SASH1: variants seen among roughly 807,000 people sequenced by gnomAD.
The protein encoded by SASH1 is SAM and SH3 domain containing 1, also known as SAM and SH3 domain-containing protein 1.
Under a neutral mutation model 125.2 loss-of-function variants are expected in SASH1, and 44 were observed. The observed-to-expected ratio is 0.35, with a 90% CI of 0.28 to 0.45. The LOEUF (loss-of-function observed/expected upper bound fraction) is 0.45, where lower values mean the gene tolerates loss of function less well. SASH1 is among the 20% of genes least tolerant of loss of function. The pLI is 1.00. For missense variants in SASH1, 1,426 were observed against 1,614.5 expected (o/e 0.88, Z 2.00); for synonymous variants, 639 against 649.1 (o/e 0.98, Z 0.24).
intron 19 of SASH1, among the ~76,000 whole-genome samples, chr6:148,547,726 C>T (rs1782650740): frequency 6.6e-6 from 1 of 152,158 alleles, no homozygotes; most frequent in African/African-American, 2.4e-5. Context: ...AGCAAATCAC[C>T]TTTCTGAAAG....
intron 4 of SASH1, among the ~76,000 whole-genome samples, chr6:148,451,727 G>T (rs971696960): frequency 1.3e-5 from 2 of 152,216 alleles, no homozygotes; most frequent in Non-Finnish European, 2.9e-5. Flanking sequence ...TTGTGATTTA[G>T]AAAATCATGC....
At chr6:148,401,785 T>TG (rs397704156) in intron 2 of SASH1, among the ~76,000 whole-genome samples, 26,316 of 151,784 alleles carry the variant, frequency 0.17, 2,500 homozygotes, top group Admixed American at 0.25. Context: ...GATGTGTGTG[T>TG]GGGGGGGTGT....
intron 1 of SASH1, among the ~76,000 whole-genome samples, chr6:148,326,232 C>T (rs953475529): frequency 6.4e-5 from 9 of 141,474 alleles, no homozygotes; most frequent in Non-Finnish European, 1.1e-4. Context: ...TTCACCATGC[C>T]GACAAGGCTG....
intron 16 of SASH1, 104 bp downstream of exon 16, chr6:148,535,005 CCTGTT>C (rs941945990): frequency 8.2e-7 from 1 of 1,221,722 alleles, no homozygotes; most frequent in African/African-American, 1.5e-5. Flanking sequence ...CTTATTCTGT[CCTGTT>C]CTTTCTGTTA....
rs139369529 is a variant in SASH1, at chr6:148,544,216, G to C, written c.2746G>C (p.Ala916Pro). 4 of 1,614,144 alleles carry C rather than the reference G, an allele frequency of 2.5e-6. No individual in the cohort carries two copies. Among genetic ancestry groups the C allele is most frequent in the Non-Finnish European group, 3.4e-6 (4 of 1,180,036 alleles). Residue 916 changes from alanine (A) to proline (P), a missense_variant, in exon 18 of 20, where the codon GCA becomes CCA. Transcript: ENST00000367467. The surrounding 1 kb of genome is among the most constrained non-coding windows in gnomAD (Gnocchi z 6.4). ...LTTKKLEGSI[A>P]ASGRGLSPPQ... The stretch of plus-strand genomic sequence containing the variant: ...AACTAAGAAACTGGAGGGCTCAATC[G>C]CAGCCTCTGGTCGCGGCCTGTCACC...
chr6:148,282,715 G>A (rs1338933060), intron 1 of SASH1, among the ~76,000 whole-genome samples: 1 of 151,782 alleles, frequency 6.6e-6, no homozygotes, highest in Non-Finnish European at 1.5e-5. Flanking sequence ...TCTGTCTTGG[G>A]GAATCAAACT....
intron 1 of SASH1, among the ~76,000 whole-genome samples, chr6:148,297,435 T>TAA (rs766023167): frequency 4.0e-4 from 60 of 151,438 alleles, no homozygotes; most frequent in African/African-American, 1.3e-3. Context: ...ACTAGGATTG[T>TAA]AAAAAAAAAT....
At chr6:148,368,770 GCA>G (rs377455429) in intron 1 of SASH1, among the ~76,000 whole-genome samples, 11 of 135,644 alleles carry the variant, frequency 8.1e-5, no homozygotes, top group South Asian at 5.2e-4. Context: ...GCACGCGCGC[GCA>G]CACACACACA....
In SASH1 at chr6:148,551,170, A is replaced by T. The variant is rs569284908; in HGVS notation, c.*2612A>T. 1.3e-4 allele frequency: 20 copies of T among 152,048 alleles called. No individual in the cohort carries two copies. Among genetic ancestry groups the T allele is most frequent in the Non-Finnish European group, 2.6e-4 (18 of 67,958 alleles). The allele number at this position is 152,048 out of a possible 1,614,324, so 9.4% of individuals were successfully genotyped here. A position where few individuals can be genotyped will look rare whatever the true frequency, so the allele number is the denominator to read the frequency against. On this transcript the variant is annotated 3_prime_UTR_variant, in exon 20 of 20. Transcript: ENST00000367467. ...TTTGGTCTTTTTTTTTTCTGTAAAC[A>T]TTTAATTTGGTCTGAGAAAAGCTGA...
At chr6:148,252,718 A>G in the SASH1 span, among the ~76,000 whole-genome samples, 1 of 152,090 alleles carries the variant, frequency 6.6e-6, no homozygotes, top group Non-Finnish European at 1.5e-5. Flanking sequence ...ACCTCACGTG[A>G]TCCATCCGCC....
chr6:148,512,414 T>G, intron 8 of SASH1: 1 of 952,816 alleles, frequency 1.0e-6, no homozygotes, highest in Non-Finnish European at 1.2e-6. Flanking sequence ...TTGAGCTACA[T>G]CAAGAGAGCA....
chr6:148,546,903 A>G (rs1782605188), intron 19 of SASH1, among the ~76,000 whole-genome samples: 1 of 152,116 alleles, frequency 6.6e-6, no homozygotes, highest in African/African-American at 2.4e-5. Context: ...AAAAATTGAT[A>G]TCATCAATAC....
chr6:148,246,064 AC>A, the SASH1 span, among the ~76,000 whole-genome samples: 43 of 152,100 alleles, frequency 2.8e-4, no homozygotes, highest in African/African-American at 9.9e-4. Context: ...ACACAAACAC[AC>A]ATGTGTACAC....
At chr6:148,333,425 A>G (rs1562329888) in intron 1 of SASH1, among the ~76,000 whole-genome samples, 2 of 152,068 alleles carry the variant, frequency 1.3e-5, no homozygotes, top group African/African-American at 2.4e-5. Context: ...AATTGGTGGT[A>G]CCACTCCCAG....
At chr6:148,217,382 G>T in the SASH1 span, among the ~76,000 whole-genome samples, 1 of 152,208 alleles carries the variant, frequency 6.6e-6, no homozygotes, top group Non-Finnish European at 1.5e-5. Flanking sequence ...CTGCGTACTT[G>T]CTGAGTGACA....
chr6:148,335,866 C>G (rs996059031), intron 1 of SASH1, among the ~76,000 whole-genome samples: 1 of 152,112 alleles, frequency 6.6e-6, no homozygotes, highest in African/African-American at 2.4e-5. Context: ...GTTGACTCCT[C>G]TTCATGATCA....
At chr6:148,254,340 T>TA in the SASH1 span, among the ~76,000 whole-genome samples, 1 of 151,278 alleles carries the variant, frequency 6.6e-6, no homozygotes, top group African/African-American at 2.4e-5. Context: ...TAAGACAAGG[T>TA]AAAAATTAAT....
In SASH1 at chr6:148,390,248, C is replaced by A; in HGVS notation, c.271C>A (p.Gln91Lys). The A allele has an allele frequency of 6.2e-7, 1 of 1,611,446 alleles. No individual in the cohort carries two copies. The highest frequency in any genetic ancestry group is 1.1e-5 in the South Asian group (1 of 90,950). Residue 91 changes from glutamine to lysine, a missense_variant, in exon 2 of 20, where the codon CAG (glutamine) becomes AAG (lysine). Around this residue, in one of 3 missense-constraint regions of SASH1, gnomAD observed 567 missense variants for 575.6 expected, o/e 0.99. Transcript: ENST00000367467. Reference protein sequence around the residue: ...MEELRKRRVSQDLEVEKPDAS... With the variant: ...MEELRKRRVSKDLEVEKPDAS... ...GGAGCTGCGGAAACGGCGGGTTTCC[C>A]AGGACCTGGAAGTGGTGAGTGGGGG...
chr6:148,378,541 G>T (rs1360796792), intron 1 of SASH1, among the ~76,000 whole-genome samples: 1 of 152,100 alleles, frequency 6.6e-6, no homozygotes. Context: ...ATTTTTCTTG[G>T]TAGAACTGGG....
Sources: allele counts gnomAD v4.1 joint callset (sites outside exome capture counted in the v4.1 genomes callset), GRCh38; gene constraint gnomAD v4.1.1; regional missense constraint gnomAD v4.1.1; non-coding constraint Gnocchi (gnomAD v3.1); transcripts MANE v1.5; gene names NCBI Gene and HGNC (gene_info 2026-07-23, HGNC 2026-07-21).